The following RBFOX1 variants were observed in gnomAD, a reference collection of about 807,000 sequenced individuals.
RBFOX1 encodes the protein RNA binding fox-1 homolog 1.
In RBFOX1, 8 loss-of-function variants were observed where a neutral mutation model predicts 57.7. The observed-to-expected ratio is 0.14, with a 90% CI of 0.08 to 0.25. The LOEUF is 0.25. RBFOX1 is among the 10% of genes least tolerant of loss of function. The pLI, the probability that RBFOX1 is intolerant of heterozygous loss-of-function variation, is 1.00. For synonymous variants in RBFOX1, 326 were observed against 222.4 expected (o/e 1.47, Z -4.15); for missense variants, 611 against 548.5 (o/e 1.11, Z -1.14).
At chr16:7,064,878 T>A (rs9935124) in intron 4 of RBFOX1, among the ~76,000 whole-genome samples, 2 of 152,066 alleles carry the variant, frequency 1.3e-5, no homozygotes, top group African/African-American at 2.4e-5. Flanking sequence ...AATTTTAAAC[T>A]AGCTGTGGTA....
At chr16:5,806,951 A>C (rs181979449) in intron 3 of RBFOX1, among the ~76,000 whole-genome samples, 1 of 152,106 alleles carries the variant, frequency 6.6e-6, no homozygotes, top group African/African-American at 2.4e-5. Context: ...CAGGATCTCC[A>C]GGAAGAGAAG....
At chr16:6,071,534 T>C (rs2095838213) in intron 1 of RBFOX1, among the ~76,000 whole-genome samples, 1 of 152,180 alleles carries the variant, frequency 6.6e-6, no homozygotes, top group South Asian at 2.1e-4. Context: ...AAAAAACTGT[T>C]TTAAAAATTA....
intron 2 of RBFOX1, among the ~76,000 whole-genome samples, chr16:6,562,473 C>T (rs889926128): frequency 6.6e-6 from 1 of 152,180 alleles, no homozygotes; most frequent in Non-Finnish European, 1.5e-5. Flanking sequence ...TGCTGGCATA[C>T]AGGAGGTATA....
At chr16:6,293,299 T>C (rs2077667876) in intron 1 of RBFOX1, among the ~76,000 whole-genome samples, 1 of 152,178 alleles carries the variant, frequency 6.6e-6, no homozygotes, top group African/African-American at 2.4e-5. Flanking sequence ...AAAGTCTGCC[T>C]CCTTAAGTAT....
chr16:5,265,598 C>G (rs2062838501), intron 1 of RBFOX1, among the ~76,000 whole-genome samples: 1 of 152,124 alleles, frequency 6.6e-6, no homozygotes, highest in East Asian at 1.9e-4. Flanking sequence ...ATATGTGTAG[C>G]TCAGGAGGTA....
chr16:5,515,245 C>T (rs1442534598), intron 2 of RBFOX1, among the ~76,000 whole-genome samples: 1 of 152,212 alleles, frequency 6.6e-6, no homozygotes, highest in African/African-American at 2.4e-5. Flanking sequence ...ACTGTCAGCT[C>T]CATGTGGGCA....
At chr16:6,750,491 A>G (rs1421231517) in intron 3 of RBFOX1, among the ~76,000 whole-genome samples, 1 of 152,224 alleles carries the variant, frequency 6.6e-6, no homozygotes, top group Admixed American at 6.5e-5. Flanking sequence ...ATTTCTTGAC[A>G]TATGTTTCTT....
At chr16:7,179,406 C>G (rs913953843) in intron 4 of RBFOX1, among the ~76,000 whole-genome samples, 2 of 152,152 alleles carry the variant, frequency 1.3e-5, no homozygotes, top group South Asian at 2.1e-4. Flanking sequence ...TGCCTTCCAT[C>G]TCTCTCAATG....
At chr16:6,725,779 A>G (rs980322918) in intron 3 of RBFOX1, among the ~76,000 whole-genome samples, 4 of 152,184 alleles carry the variant, frequency 2.6e-5, no homozygotes, top group African/African-American at 7.2e-5. Context: ...TGAAAATTCT[A>G]TCATTTTAAG....
intron 1 of RBFOX1, among the ~76,000 whole-genome samples, chr16:6,214,772 A>T (rs1182614252): frequency 1.2e-5 from 1 of 85,722 alleles, no homozygotes; most frequent in Non-Finnish European, 2.3e-5. Context: ...AAGGAGAGAG[A>T]GAGAGAGGGA....
intron 4 of RBFOX1, among the ~76,000 whole-genome samples, chr16:7,128,924 C>G (rs567365204): frequency 2.3e-4 from 35 of 150,694 alleles, no homozygotes; most frequent in African/African-American, 8.3e-4. Flanking sequence ...GGGTTCAAGC[C>G]ATTCTCCTGC....
intron 1 of RBFOX1, chr16:5,365,838 C>T (rs2065698286): frequency 1.9e-6 from 1 of 517,730 alleles, no homozygotes. Flanking sequence ...CCTGAGGCCC[C>T]AGAACTGTCT....
chr16:7,567,364 C>CTT (rs1361481317), intron 5 of RBFOX1, among the ~76,000 whole-genome samples: 1 of 71,428 alleles, frequency 1.4e-5, no homozygotes, highest in Non-Finnish European at 3.0e-5. Flanking sequence ...TATATATGGC[C>CTT]CTATATATAT....
intron 3 of RBFOX1, among the ~76,000 whole-genome samples, chr16:6,888,131 G>A (rs6500864): frequency 0.26 from 39,950 of 151,924 alleles, 5,594 homozygotes; most frequent in Admixed American, 0.38. Flanking sequence ...TGGAGGACAG[G>A]TTTTATTTAG....
chr16:7,516,732 C>G (rs754677644), intron 4 of RBFOX1, among the ~76,000 whole-genome samples: 26 of 152,178 alleles, frequency 1.7e-4, no homozygotes, highest in Admixed American at 1.2e-3. Context: ...AATGTTTAAA[C>G]TTATCCTAAG....
intron 3 of RBFOX1, among the ~76,000 whole-genome samples, chr16:5,759,362 C>T (rs1018510731): frequency 2.6e-5 from 4 of 152,156 alleles, no homozygotes; most frequent in Non-Finnish European, 5.9e-5. Flanking sequence ...GCTTGTATTT[C>T]CTTGGTGGAT....
intron 14 of RBFOX1, among the ~76,000 whole-genome samples, chr16:7,705,034 ACT>A (rs1491372486): frequency 6.5e-5 from 8 of 122,628 alleles, no homozygotes; most frequent in East Asian, 4.9e-4. Context: ...ACAGAGCAAG[ACT>A]CTGTCTCAAA....
chr16:6,983,203 C>G (rs2089417230), intron 3 of RBFOX1, among the ~76,000 whole-genome samples: 1 of 151,982 alleles, frequency 6.6e-6, no homozygotes, highest in African/African-American at 2.4e-5. Flanking sequence ...AGTACTCATC[C>G]TCTGACTCTG....
chr16:5,342,052 C>G (rs1328040710), intron 1 of RBFOX1, among the ~76,000 whole-genome samples: 1 of 152,172 alleles, frequency 6.6e-6, no homozygotes, highest in East Asian at 1.9e-4. Context: ...GCTGGTAAAT[C>G]CTTTAGTGTA....
Sources: gnomAD v4.1 joint callset for allele counts (sites outside exome capture counted in the v4.1 genomes callset) on GRCh38, gnomAD v4.1.1 for gene constraint, MANE v1.5 for transcripts, NCBI Gene and HGNC (gene_info 2026-07-23, HGNC 2026-07-21) for gene names.